The following BBS2 variants were observed in gnomAD, a reference collection of about 807,000 sequenced individuals.
BBS2 encodes BBSome complex member BBS2.
A neutral mutation model predicts 83.0 loss-of-function variants in BBS2; 62 were observed. The observed-to-expected ratio is 0.75, with a 90% CI of 0.61 to 0.92. BBS2 has a LOEUF of 0.92. Among genes scored for constraint, BBS2 ranks in the 40% least tolerant of loss-of-function variants. BBS2 has a pLI of 0.00. For missense variants in BBS2, 784 were observed against 901.0 expected (o/e 0.87, Z 1.66); for synonymous variants, 303 against 326.1 (o/e 0.93, Z 0.76).
chr16:56,504,207 T>A (rs1396321985), intron 7 of BBS2, among the ~76,000 whole-genome samples: 1 of 152,238 alleles, frequency 6.6e-6, no homozygotes, highest in African/African-American at 2.4e-5. Context: ...AAAGAACGAA[T>A]GACCTGCATT....
intron 4 of BBS2, 62 bp from the exon 5 acceptor site, chr16:56,510,096 CAAAA>C: frequency 2.6e-6 from 4 of 1,515,914 alleles, no homozygotes; most frequent in Non-Finnish European, 3.7e-6. Flanking sequence ...TTTCTGTAAA[CAAAA>C]CAAAAAATTG....
At chr16:56,490,164 TATA>T (rs1204710650) in intron 15 of BBS2, among the ~76,000 whole-genome samples, 3 of 150,858 alleles carry the variant, frequency 2.0e-5, no homozygotes, top group Admixed American at 6.6e-5. Flanking sequence ...ATAATAATAA[TATA>T]ATAATAATGT....
At chr16:56,481,551 T>C (rs1247967517), downstream of BBS2, among the ~76,000 whole-genome samples, 3 of 152,160 alleles carry the variant, frequency 2.0e-5, no homozygotes, top group Non-Finnish European at 4.4e-5. Flanking sequence ...CTCTCAGATA[T>C]CAAAATCCTC....
At chr16:56,475,359 A>G (rs1963411063) in intron 17 of BBS2, 3 of 743,846 alleles carry the variant, frequency 4.0e-6, no homozygotes, top group African/African-American at 1.8e-5. Context: ...AAACTAGATG[A>G]TAAGTTCAAG....
At chr16:56,505,923 T>C (rs1964409691) in intron 7 of BBS2, 27 bp downstream of exon 7, 1 of 1,552,468 alleles carries the variant, frequency 6.4e-7, no homozygotes, top group Non-Finnish European at 8.9e-7. Context: ...CTCTGAATTA[T>C]ACCTGAACTT....
At chr16:56,475,006 C>T (rs1216627211) in intron 17 of BBS2, 1 of 1,573,576 alleles carries the variant, frequency 6.4e-7, no homozygotes, top group African/African-American at 1.4e-5. Flanking sequence ...GCAGTCTCTT[C>T]TGAGGGACCC....
intron 17 of BBS2, among the ~76,000 whole-genome samples, chr16:56,472,822 T>C (rs1259648532): frequency 6.6e-6 from 1 of 152,236 alleles, no homozygotes; most frequent in Non-Finnish European, 1.5e-5. Flanking sequence ...TAATATTTCA[T>C]AAACCTCTTT....
At chr16:56,479,456 C>A (rs1283732029), downstream of BBS2, among the ~76,000 whole-genome samples, 1 of 152,154 alleles carries the variant, frequency 6.6e-6, no homozygotes, top group African/African-American at 2.4e-5. Flanking sequence ...CCAGCCTGGG[C>A]AACAGAACAA....
intron 13 of BBS2, 64 bp downstream of exon 13, chr16:56,498,373 G>T: frequency 1.3e-6 from 2 of 1,582,356 alleles, no homozygotes; most frequent in Admixed American, 3.4e-5. Flanking sequence ...CTCATTCCAT[G>T]GTCTAAGTGT....
chr16:56,519,754 T>C lies in BBS2; in HGVS notation c.109A>G (p.Thr37Ala), dbSNP rs1284353332. Residue 37 changes from threonine to alanine, a missense_variant, in exon 1 of 17, where the codon ACG becomes GCG. Thr to Ala is a moderately conservative substitution (Grantham distance 58). Coordinates refer to ENST00000245157, the MANE Select transcript of BBS2 (RefSeq NM_031885.5). ...THPCLAAATQ[T>A]GKVFIHNPHT... ...CGGGTGGGAGCGGTTACCTTGCCCG[T>C]TTGGGTGGCGGCCGCCAGGCACGGG... The C allele has an allele frequency of 2.5e-6, 4 of 1,612,202 alleles. No homozygotes were observed. The highest frequency in any genetic ancestry group is 2.5e-6 in the Non-Finnish European group (3 of 1,178,742).
intron 15 of BBS2, among the ~76,000 whole-genome samples, chr16:56,491,780 C>T (rs1251119514): frequency 7.3e-6 from 1 of 137,058 alleles, no homozygotes. Context: ...GAGCTAGGGA[C>T]TTGAATAGAA....
At chr16:56,500,122 T>C (rs1230012646) in intron 11 of BBS2, 1 of 528,452 alleles carries the variant, frequency 1.9e-6, no homozygotes, top group Non-Finnish European at 3.4e-6. Context: ...TATACCTGCA[T>C]GCACTAAGGG....
At chr16:56,486,926 C>G (rs548006654) in intron 15 of BBS2, among the ~76,000 whole-genome samples, 1 of 151,822 alleles carries the variant, frequency 6.6e-6, no homozygotes, top group African/African-American at 2.4e-5. Context: ...CCACACCTGG[C>G]TAATTTTTTG....
At chr16:56,475,958 T>C in intron 17 of BBS2, 1 of 1,241,622 alleles carries the variant, frequency 8.1e-7, no homozygotes, top group Non-Finnish European at 1.1e-6. Context: ...GTGCTTGATA[T>C]GGAAACCATC....
intron 5 of BBS2, among the ~76,000 whole-genome samples, chr16:56,507,421 A>G (rs572183563): frequency 1.3e-5 from 2 of 152,186 alleles, no homozygotes; most frequent in Admixed American, 6.5e-5. Context: ...GTTTCAAAGA[A>G]TTCAGTCTCC....
chr16:56,474,061 A>G (rs1596989986), intron 17 of BBS2, among the ~76,000 whole-genome samples: 1 of 152,210 alleles, frequency 6.6e-6, no homozygotes, highest in East Asian at 1.9e-4. Context: ...TGCCTGCCTC[A>G]GAGGAGTACT....
Position 56,502,763 on chromosome 16 carries a change from T to G in BBS2, c.850A>C (p.Asn284His), listed in dbSNP as rs1964313305. 6.2e-7 allele frequency: 1 copy of G among 1,614,032 alleles called. No individual in the cohort carries two copies. Among genetic ancestry groups the G allele is most frequent in the African/African-American group, 1.3e-5 (1 of 74,916 alleles). ...DRTGEVIFKDNFSSAIAGVVE... is the reference protein window; with the variant it reads ...DRTGEVIFKDHFSSAIAGVVE... ...ACACCGGCAATTGCAGAAGAAAAAT[T>G]GTCCTTAAAGATGACCTCCCCAGTT... Residue 284 changes from asparagine (N) to histidine (H), a missense_variant, in exon 8 of 17, where the codon AAT becomes CAT. By Grantham distance (68) the Asn-to-His change is moderately conservative. Transcript: ENST00000245157.
intron 17 of BBS2, chr16:56,478,912 T>G (rs1215308009): frequency 6.6e-6 from 1 of 152,244 alleles, no homozygotes; most frequent in Non-Finnish European, 1.5e-5. Context: ...TAAAAGATTG[T>G]GTTTCTGCAC....
chr16:56,501,599 G>T, intron 9 of BBS2, 102 bp from the exon 10 acceptor site: 1 of 1,404,368 alleles, frequency 7.1e-7, no homozygotes, highest in Non-Finnish European at 1.0e-6. Context: ...AGAGCCTCCA[G>T]CATATTATTA....
Sources: allele counts gnomAD v4.1 joint callset (sites outside exome capture counted in the v4.1 genomes callset), GRCh38; gene constraint gnomAD v4.1.1; transcripts MANE v1.5; gene names NCBI Gene and HGNC (gene_info 2026-07-23, HGNC 2026-07-21).